Variants in RASA3 observed in about 807,000 individuals in gnomAD.
RASA3 encodes the protein ras GTPase-activating protein 3.
RASA3 carries 73 observed loss-of-function variants against 110.0 expected under a neutral mutation model. The ratio of observed to expected loss-of-function variants is 0.66; its 90% confidence interval spans 0.55 to 0.81. RASA3 has a LOEUF of 0.81. Ranked by LOEUF, RASA3 falls within the 30% of genes least tolerant of loss-of-function variation. The pLI, the probability that RASA3 is intolerant of heterozygous loss-of-function variation, is 0.00. For synonymous variants in RASA3, 500 were observed against 451.4 expected, an observed-to-expected ratio of 1.11 and a Z score of -1.37; for missense variants, 976 against 1,113.2, an observed-to-expected ratio of 0.88 and a Z score of 1.75.
At chr13:113,992,259 T>C (rs2053136677) in intron 22 of RASA3, among the ~76,000 whole-genome samples, 1 of 152,230 alleles carries the variant, frequency 6.6e-6, no homozygotes, top group Non-Finnish European at 1.5e-5. Flanking sequence ...TTAAATTCCA[T>C]CTAAAAATTA....
chr13:114,027,730 C>A, intron 6 of RASA3, 117 bp downstream of exon 6: 1 of 1,121,518 alleles, frequency 8.9e-7, no homozygotes, highest in South Asian at 1.3e-5. Flanking sequence ...AATTCACATT[C>A]TACCTCAAAG....
chr13:114,026,619 C>T (rs566364396), intron 7 of RASA3, among the ~76,000 whole-genome samples: 3 of 152,336 alleles, frequency 2.0e-5, no homozygotes, highest in South Asian at 4.1e-4. Context: ...CTGCATGCAT[C>T]GAGCCCCACT....
intron 1 of RASA3, among the ~76,000 whole-genome samples, chr13:114,131,675 C>A (rs1425158020): frequency 6.6e-6 from 1 of 152,246 alleles, no homozygotes; most frequent in Non-Finnish European, 1.5e-5. Flanking sequence ...CTCCCCGCCC[C>A]GCGGGAGCCC....
chr13:114,050,452 T>C (rs2079125482), intron 3 of RASA3, among the ~76,000 whole-genome samples: 1 of 152,254 alleles, frequency 6.6e-6, no homozygotes, highest in Admixed American at 6.5e-5. Context: ...TGGAGACTTC[T>C]ATGAAAAACA....
intron 5 of RASA3, 107 bp from the exon 6 acceptor site, chr13:114,028,034 G>C: frequency 1.1e-6 from 1 of 917,084 alleles, no homozygotes; most frequent in Non-Finnish European, 1.7e-6. Context: ...TGTGAGATGA[G>C]GTTTCCTCAC....
intron 22 of RASA3, among the ~76,000 whole-genome samples, chr13:113,991,536 GCTTTT>G: frequency 6.6e-6 from 1 of 152,302 alleles, no homozygotes; most frequent in East Asian, 1.9e-4. Context: ...ACCCCCGTGG[GCTTTT>G]CTTGTCTCTG....
intron 21 of RASA3, among the ~76,000 whole-genome samples, chr13:113,994,988 A>G (rs2053199052): frequency 6.6e-6 from 1 of 152,210 alleles, no homozygotes; most frequent in Non-Finnish European, 1.5e-5. Flanking sequence ...ACATAAAACT[A>G]AAAAAGCATC....
intron 2 of RASA3, among the ~76,000 whole-genome samples, chr13:114,053,269 C>T (rs184190479): frequency 1.1e-3 from 160 of 152,060 alleles, no homozygotes; most frequent in African/African-American, 3.8e-3. Context: ...TGCAGCCGCC[C>T]CACAGAGGAG....
chr13:114,070,906 A>G (rs1284268896), intron 2 of RASA3, among the ~76,000 whole-genome samples: 1 of 131,776 alleles, frequency 7.6e-6, no homozygotes, highest in East Asian at 2.3e-4. Flanking sequence ...ACGGCGCCAC[A>G]GTTTTACACG....
intron 16 of RASA3, 128 bp from the exon 17 acceptor site, chr13:114,009,592 A>T: frequency 2.9e-6 from 2 of 681,262 alleles, no homozygotes; most frequent in South Asian, 3.5e-5. Context: ...ACCCGGTGTT[A>T]CCGGGCAAGT....
intron 2 of RASA3, among the ~76,000 whole-genome samples, chr13:114,066,693 C>T (rs900110092): frequency 1.3e-5 from 2 of 152,230 alleles, no homozygotes; most frequent in African/African-American, 4.8e-5. Flanking sequence ...CTGAGAGAAC[C>T]CCCTGCATCA....
chr13:114,110,799 G>GGACACCGGCAGGTTT (rs2080207653), intron 1 of RASA3, among the ~76,000 whole-genome samples: 1 of 152,154 alleles, frequency 6.6e-6, no homozygotes. Context: ...ACACCCATCC[G>GGACACCGGCAGGTTT]GACACCGGCA....
At chr13:114,089,314 G>A (rs2079861941) in intron 1 of RASA3, among the ~76,000 whole-genome samples, 1 of 147,324 alleles carries the variant, frequency 6.8e-6, no homozygotes, top group African/African-American at 2.5e-5. Context: ...GGGAGGAGGG[G>A]GGAGGGGGAA....
rs368897152 is a variant in RASA3, at chr13:114,118,272, G to T, written c.55+14163C>A. On this transcript the variant is annotated intron_variant, in intron 1 of 23. Transcript: ENST00000334062. ...GCAGCTGCCTCCTGGGAACCCCAGGGGGGCAAACTCAGGCCCACCCCCGCC... is the reference window on the plus strand; with the variant it reads ...GCAGCTGCCTCCTGGGAACCCCAGGTGGGCAAACTCAGGCCCACCCCCGCC... Among the ~76,000 whole-genome samples the T allele has an allele frequency of 2.0e-5, 3 of 152,210 alleles. No homozygotes were observed. The East Asian group carries it at 5.8e-4, about 29-fold the overall frequency.
intron 3 of RASA3, among the ~76,000 whole-genome samples, chr13:114,050,682 G>A (rs998907458): frequency 2.6e-5 from 4 of 152,252 alleles, no homozygotes; most frequent in Admixed American, 6.5e-5. Flanking sequence ...GGGACTTGCT[G>A]TGGAGGCCCG....
intron 2 of RASA3, among the ~76,000 whole-genome samples, chr13:114,066,795 T>A (rs2079459537): frequency 6.6e-6 from 1 of 151,664 alleles, no homozygotes. Flanking sequence ...GGCTTGGGGG[T>A]CATACAGACA....
At chr13:114,118,227 G>T (rs1422499578) in intron 1 of RASA3, among the ~76,000 whole-genome samples, 1 of 152,064 alleles carries the variant, frequency 6.6e-6, no homozygotes, top group Non-Finnish European at 1.5e-5. Context: ...GACAGCCCCA[G>T]TTCATGGCTC....
chr13:114,009,675 C>CCAGT (rs2053590445), intron 16 of RASA3, among the ~76,000 whole-genome samples: 1 of 152,260 alleles, frequency 6.6e-6, no homozygotes, highest in African/African-American at 2.4e-5. Flanking sequence ...ATCAGACCTG[C>CCAGT]CAGTGCCCGT....
At chr13:113,991,873 C>T (rs554254709) in intron 22 of RASA3, among the ~76,000 whole-genome samples, 11 of 152,200 alleles carry the variant, frequency 7.2e-5, no homozygotes, top group Non-Finnish European at 1.2e-4. Flanking sequence ...TGCATGCTCA[C>T]GTGTCCCCAC....
Sources: allele counts gnomAD v4.1 joint callset (sites outside exome capture counted in the v4.1 genomes callset), GRCh38; gene constraint gnomAD v4.1.1; transcripts MANE v1.5; gene names NCBI Gene and HGNC (gene_info 2026-07-23, HGNC 2026-07-21).